Variants in SORL1 observed in about 807,000 individuals in gnomAD.
SORL1 encodes the protein sortilin-related receptor.
Under a neutral mutation model 273.7 loss-of-function variants are expected in SORL1, and 127 were observed. The observed-to-expected ratio is 0.46, with a 90% CI of 0.40 to 0.54. The LOEUF (loss-of-function observed/expected upper bound fraction) is 0.54, where lower values mean the gene tolerates loss of function less well. Among genes scored for constraint, SORL1 ranks in the 20% least tolerant of loss-of-function variants. The pLI is 0.00. For synonymous variants in SORL1, 1,031 were observed against 1,067.4 expected, an observed-to-expected ratio of 0.97 and a Z score of 0.66; for missense variants, 2,494 against 2,846.1, an observed-to-expected ratio of 0.88 and a Z score of 2.81.
At chr11:121,490,000 G>T (rs139143378) in intron 4 of SORL1, 43 bp from the exon 5 acceptor site, 1 of 1,449,558 alleles carries the variant, frequency 6.9e-7, no homozygotes, top group Non-Finnish European at 9.7e-7. Context: ...CATTCAGGTT[G>T]TATTATACAT....
chr11:121,615,729 G>A (rs1490377741), intron 41 of SORL1, among the ~76,000 whole-genome samples: 1 of 152,142 alleles, frequency 6.6e-6, no homozygotes, highest in Non-Finnish European at 1.5e-5. Flanking sequence ...GAGTCATAGG[G>A]AAATAACCAA....
chr11:121,622,469 A>C (rs1406371898), intron 45 of SORL1, among the ~76,000 whole-genome samples: 1 of 152,270 alleles, frequency 6.6e-6, no homozygotes, highest in Admixed American at 6.5e-5. Flanking sequence ...TGCCCGTTAA[A>C]GATGAGAATC....
chr11:121,561,995 T>G (rs1323083244), intron 21 of SORL1, among the ~76,000 whole-genome samples: 1 of 152,128 alleles, frequency 6.6e-6, no homozygotes, highest in Non-Finnish European at 1.5e-5. Flanking sequence ...CTATGAGCAC[T>G]CCGCACCTCT....
At chr11:121,589,185 T>G (rs1332509106) in intron 28 of SORL1, 74 bp from the exon 29 acceptor site, 1 of 1,564,530 alleles carries the variant, frequency 6.4e-7, no homozygotes, top group African/African-American at 1.4e-5. Flanking sequence ...CCCCCTTGCT[T>G]CTGGGCACCA....
rs370629399 is a variant in SORL1 at position 121,585,208 on chromosome 11, G to A, written c.3707-1014G>A. Among the ~76,000 whole-genome samples, 12 of 152,252 alleles carry A rather than the reference G, an allele frequency of 7.9e-5. No homozygotes were observed. The East Asian group carries it at 1.5e-3, about 20-fold the overall frequency. ...CTTCTAAAAAATATACTTAGATCAGGTATGGTGGCTCACGCCTGTAATCCC... is the reference window on the plus strand; with the variant it reads ...CTTCTAAAAAATATACTTAGATCAGATATGGTGGCTCACGCCTGTAATCCC... On this transcript the variant is annotated intron_variant, in intron 26 of 47. Transcript: ENST00000260197.
rs749516769 is a variant in SORL1 at position 121,550,092 on chromosome 11, T to C, written c.2180+4T>C. 2.5e-6 allele frequency: 4 copies of C among 1,612,186 alleles called. No individual in the cohort carries two copies. The highest frequency in any genetic ancestry group is 3.4e-6 in the Non-Finnish European group (4 of 1,179,020). Reference sequence around the variant, plus strand: ...CTACTTACAGGAGAACGAGAGGGTATGTATCACAGAGGTTGCCCTGTCAGG... The same window carrying C: ...CTACTTACAGGAGAACGAGAGGGTACGTATCACAGAGGTTGCCCTGTCAGG... On this transcript the variant is annotated splice_donor_region_variant and intron_variant, in intron 15 of 47. Transcript: ENST00000260197. The surrounding 1 kb of genome is among the most constrained non-coding windows in gnomAD (Gnocchi z 5.3).
At chr11:121,556,500 C>G (rs994766159) in intron 18 of SORL1, among the ~76,000 whole-genome samples, 6 of 152,110 alleles carry the variant, frequency 3.9e-5, no homozygotes, top group African/African-American at 1.4e-4. Flanking sequence ...TGTTATTGCT[C>G]TTTCTCTCCT....
At chr11:121,569,514 C>T (rs564334110) in intron 22 of SORL1, among the ~76,000 whole-genome samples, 19 of 152,210 alleles carry the variant, frequency 1.2e-4, no homozygotes, top group African/African-American at 3.4e-4. Flanking sequence ...ATGGCCGCTT[C>T]GAGGGGCGGC....
intron 11 of SORL1, among the ~76,000 whole-genome samples, chr11:121,528,117 T>A (rs1410973241): frequency 2.0e-5 from 3 of 152,196 alleles, no homozygotes; most frequent in Non-Finnish European, 2.9e-5. Context: ...ATATGCCACA[T>A]ATTTAGATAT....
rs2096357251 is a variant in SORL1 at position 121,507,996 on chromosome 11, CT to C, written c.940-5006del. 2.0e-5 allele frequency among the ~76,000 whole-genome samples: 3 copies of C among 152,224 alleles called. No individual in the cohort carries two copies. In the South Asian group the frequency reaches 6.2e-4, roughly 32 times the overall value. On this transcript the variant is annotated intron_variant, in intron 6 of 47. Coordinates refer to ENST00000260197, the MANE Select transcript of SORL1 (RefSeq NM_003105.6). ...GTTGTTCAGGGAGTTTCCTGTACTG[CT>C]ATCAAGTTTGTGTTCTTTATTGTTT...
At chr11:121,565,848 A>G (rs1862746842) in intron 21 of SORL1, among the ~76,000 whole-genome samples, 1 of 152,134 alleles carries the variant, frequency 6.6e-6, no homozygotes. Context: ...GCAGTGGTGG[A>G]TTTTACGAAC....
intron 12 of SORL1, among the ~76,000 whole-genome samples, chr11:121,536,639 C>G (rs1862271493): frequency 6.6e-6 from 1 of 151,268 alleles, no homozygotes; most frequent in Admixed American, 6.6e-5. Flanking sequence ...ATTTGAACTC[C>G]TGAGTTCAAA....
chr11:121,629,770 G>C lies in SORL1; in HGVS notation c.*207G>C. 1 of 559,736 alleles carries C rather than the reference G, an allele frequency of 1.8e-6. No individual in the cohort carries two copies. Among genetic ancestry groups the C allele is most frequent in the Non-Finnish European group, 3.2e-6 (1 of 317,426 alleles). The allele number at this position is 559,736 out of a possible 1,614,324, so 34.7% of individuals were successfully genotyped here. ...TGAACTTCAAACCAGGTTGATTTTA[G>C]TAACCCAATTGCTTTGATTTGACAT... On this transcript the variant is annotated 3_prime_UTR_variant, in exon 48 of 48. Transcript: ENST00000260197.
chr11:121,469,984 AT>A (rs1242456457), intron 1 of SORL1, 22 bp from the exon 2 acceptor site: 3 of 1,513,026 alleles, frequency 2.0e-6, no homozygotes, highest in Non-Finnish European at 2.8e-6. Flanking sequence ...GTGGGTCCTA[AT>A]TCCTACATTG....
intron 2 of SORL1, among the ~76,000 whole-genome samples, chr11:121,473,476 T>C (rs987083660): frequency 6.6e-6 from 1 of 152,258 alleles, no homozygotes; most frequent in Admixed American, 6.5e-5. Flanking sequence ...TATCTCACCT[T>C]TTCCTAACTC....
intron 25 of SORL1, among the ~76,000 whole-genome samples, chr11:121,578,356 G>A (rs1443542887): frequency 1.3e-5 from 2 of 152,110 alleles, no homozygotes; most frequent in African/African-American, 4.8e-5. Flanking sequence ...GTGAATTATT[G>A]GACTTTTAAA....
chr11:121,570,104 C>A, intron 22 of SORL1, 53 bp from the exon 23 acceptor site: 1 of 1,169,946 alleles, frequency 8.5e-7, no homozygotes. Flanking sequence ...TGTGGTCCAG[C>A]AGTAAGAATA....
chr11:121,598,586 C>T (rs945292479), intron 32 of SORL1, among the ~76,000 whole-genome samples: 4 of 152,162 alleles, frequency 2.6e-5, no homozygotes, highest in African/African-American at 9.7e-5. Context: ...ATTAATTGTC[C>T]ATGCAAGTGA....
chr11:121,472,405 G>T (rs566971761), intron 2 of SORL1, among the ~76,000 whole-genome samples: 37 of 152,342 alleles, frequency 2.4e-4, no homozygotes, highest in African/African-American at 8.4e-4. Flanking sequence ...GAGCCAAGAG[G>T]TGTAAAGAGA....
Sources: allele counts gnomAD v4.1 joint callset (sites outside exome capture counted in the v4.1 genomes callset), GRCh38; gene constraint gnomAD v4.1.1; non-coding constraint Gnocchi (gnomAD v3.1); transcripts MANE v1.5; gene names NCBI Gene and HGNC (gene_info 2026-07-23, HGNC 2026-07-21).